Variants in FREM1 observed in about 807,000 individuals in gnomAD.
FREM1 encodes the protein FRAS1-related extracellular matrix protein 1.
Under a neutral mutation model 210.1 loss-of-function variants are expected in FREM1, and 220 were observed. The ratio of observed to expected loss-of-function variants is 1.05; its 90% CI spans 0.94 to 1.17. The LOEUF is 1.17. Among genes scored for constraint, FREM1 ranks in the 50% most tolerant of loss-of-function variants. FREM1 has a pLI of 0.00. For missense variants in FREM1, 3,454 were observed against 2,675.5 expected, an observed-to-expected ratio of 1.29 and a Z score of -6.42; for synonymous variants, 1,189 against 980.2, an observed-to-expected ratio of 1.21 and a Z score of -3.98.
At chr9:14,779,409 G>A in intron 24 of FREM1, 1 of 740,726 alleles carries the variant, frequency 1.4e-6, no homozygotes, top group Non-Finnish European at 1.6e-6. Flanking sequence ...AGAGAAGGAA[G>A]AAGAAAGAAG....
intron 14 of FREM1, among the ~76,000 whole-genome samples, chr9:14,818,510 G>C (rs1052651161): frequency 6.6e-6 from 1 of 152,166 alleles, no homozygotes; most frequent in Admixed American, 6.5e-5. Context: ...TTTATAGCTT[G>C]AATTTACAGG....
At chr9:14,773,088 T>C (rs974073457) in intron 25 of FREM1, among the ~76,000 whole-genome samples, 6 of 152,178 alleles carry the variant, frequency 3.9e-5, no homozygotes, top group African/African-American at 1.4e-4. Flanking sequence ...TTTTTAAATA[T>C]TGGGTTGCAA....
chr9:14,860,717 A>ATG (rs1564100674), intron 3 of FREM1, among the ~76,000 whole-genome samples: 4,366 of 81,090 alleles, frequency 0.054, 826 homozygotes, highest in African/African-American at 0.21. Flanking sequence ...ACACATATAT[A>ATG]CACATATATA....
chr9:14,902,002 G>A (rs992204214), intron 1 of FREM1, among the ~76,000 whole-genome samples: 4 of 149,490 alleles, frequency 2.7e-5, no homozygotes, highest in African/African-American at 7.4e-5. Flanking sequence ...GGCATCTGTC[G>A]CCATGCCTGG....
chr9:14,902,890 G>C (rs1839033472), intron 1 of FREM1, among the ~76,000 whole-genome samples: 1 of 152,164 alleles, frequency 6.6e-6, no homozygotes, highest in Non-Finnish European at 1.5e-5. Flanking sequence ...GAATTTGGAA[G>C]ACCAGCTTAC....
At chr9:14,765,818 T>C (rs1846288865) in intron 27 of FREM1, among the ~76,000 whole-genome samples, 1 of 152,204 alleles carries the variant, frequency 6.6e-6, no homozygotes, top group Admixed American at 6.6e-5. Context: ...TATCAAAGAC[T>C]TCTGCATTCA....
intron 6 of FREM1, among the ~76,000 whole-genome samples, chr9:14,849,840 A>G (rs2131361954): frequency 6.6e-6 from 1 of 152,318 alleles, no homozygotes; most frequent in South Asian, 2.1e-4. Flanking sequence ...AATGCCAGAA[A>G]CTACACACAG....
intron 10 of FREM1, among the ~76,000 whole-genome samples, chr9:14,825,771 C>A (rs1822335566): frequency 6.6e-6 from 1 of 151,774 alleles, no homozygotes; most frequent in Non-Finnish European, 1.5e-5. Context: ...TAACACATCA[C>A]CAAGTCCCAG....
chr9:14,742,990 T>C (rs1283723710), intron 35 of FREM1, among the ~76,000 whole-genome samples: 2 of 152,080 alleles, frequency 1.3e-5, no homozygotes, highest in African/African-American at 2.4e-5. Flanking sequence ...AACCTCTTTT[T>C]AAAATAAATC....
rs772468023 is a variant in FREM1, at chr9:14,845,997, G to C, written c.1356C>G (p.Thr452=). The C allele has an allele frequency of 6.2e-7, 1 of 1,613,352 alleles. No individual in the cohort carries two copies. Among genetic ancestry groups the C allele is most frequent in the East Asian group, 2.2e-5 (1 of 44,826 alleles). The change falls in exon 8 of 37, where the codon ACC becomes ACG. Residue 452 remains threonine, a synonymous_variant. Transcript: ENST00000380880. ...GCCATCCATGCTGCAGGCCACCAAC[G>C]GTGACTAGCCGGACAGCACCAATGT... The part of the protein sequence containing the change: ...NDDIGAVRLV[T]VGGLQHGWLT...
intron 12 of FREM1, 75 bp from the exon 13 acceptor site, chr9:14,823,402 C>A: frequency 1.5e-6 from 2 of 1,330,310 alleles, no homozygotes; most frequent in Non-Finnish European, 2.1e-6. Context: ...CCAAGAGAAC[C>A]ATCATGTTAA....
chr9:14,870,083 T>C (rs1199054653), intron 1 of FREM1, among the ~76,000 whole-genome samples: 1 of 152,190 alleles, frequency 6.6e-6, no homozygotes, highest in Non-Finnish European at 1.5e-5. Context: ...ATCCCTAAAT[T>C]CCCAGTATAA....
chr9:14,784,922 T>G (rs1207255021), intron 23 of FREM1, among the ~76,000 whole-genome samples: 1 of 152,244 alleles, frequency 6.6e-6, no homozygotes, highest in Non-Finnish European at 1.5e-5. Flanking sequence ...ACTTTTTGAT[T>G]GGCAAGGATG....
chr9:14,779,838 G>C (rs903297382), intron 24 of FREM1, among the ~76,000 whole-genome samples: 2 of 152,188 alleles, frequency 1.3e-5, no homozygotes, highest in Non-Finnish European at 2.9e-5. Flanking sequence ...AAGCTAATAG[G>C]CCAGGGGTGA....
intron 15 of FREM1, among the ~76,000 whole-genome samples, chr9:14,816,128 C>T (rs2934729): frequency 0.76 from 115,788 of 152,072 alleles, 44,533 homozygotes; most frequent in East Asian, 0.91. Context: ...CACTGCTAAA[C>T]AAATATTTCT....
At chr9:14,750,330 G>C (rs554880132) in intron 29 of FREM1, 54 bp from the exon 30 acceptor site, 6 of 1,405,804 alleles carry the variant, frequency 4.3e-6, no homozygotes, top group African/African-American at 2.8e-5. Flanking sequence ...AATCACCTAG[G>C]TGTCAGAGAA....
intron 22 of FREM1, 55 bp from the exon 23 acceptor site, chr9:14,789,169 T>A (rs754164291): frequency 3.7e-4 from 445 of 1,209,776 alleles, no homozygotes; most frequent in Admixed American, 8.9e-4. Context: ...TCCCCCAACG[T>A]ACGTTAGTGG....
rs763403468 is a variant in FREM1, at chr9:14,851,450, T to G, written c.986A>C (p.Lys329Thr). 1 of 1,613,868 alleles carries G rather than the reference T, an allele frequency of 6.2e-7. No individual in the cohort carries two copies. The highest frequency in any genetic ancestry group is 8.5e-7 in the Non-Finnish European group (1 of 1,179,878). Residue 329 changes from lysine (K) to threonine (T), a missense_variant, in exon 6 of 37, where the codon AAA (lysine) becomes ACA (threonine). Lys to Thr is a moderately conservative substitution (Grantham distance 78). Transcript: ENST00000380880. ...AGTAATGTTGAACACCAGCAAGGGT[T>G]TAGGGGTCTCATCTTCTTCACAGTC... ...VLDCEEDETP[K>T]PLLVFNITKA...
chr9:14,845,900 T>A (rs903085991), intron 8 of FREM1, 60 bp downstream of exon 8: 38 of 1,572,366 alleles, frequency 2.4e-5, no homozygotes, highest in Middle Eastern at 1.7e-4. Flanking sequence ...GTTAAATATA[T>A]CTACTTTTGA....
Sources: allele counts gnomAD v4.1 joint callset (sites outside exome capture counted in the v4.1 genomes callset), GRCh38; gene constraint gnomAD v4.1.1; transcripts MANE v1.5; gene names NCBI Gene and HGNC (gene_info 2026-07-23, HGNC 2026-07-21).